The following WASHC3 variants were observed in gnomAD, a reference collection of about 807,000 sequenced individuals.
WASHC3 encodes WASH complex subunit CCDC53.
In WASHC3, 24 loss-of-function variants were observed where a neutral mutation model predicts 26.1. That is an observed-to-expected ratio of 0.92 (90% CI 0.66 to 1.29). The LOEUF is 1.29. WASHC3 is among the 50% of genes most tolerant of loss of function. WASHC3 has a pLI of 0.00. For synonymous variants in WASHC3, 77 were observed against 75.7 expected, an observed-to-expected ratio of 1.02 and a Z score of -0.09; for missense variants, 214 against 229.6, an observed-to-expected ratio of 0.93 and a Z score of 0.44.
intron 5 of WASHC3, among the ~76,000 whole-genome samples, chr12:102,038,953 A>G (rs1158162979): frequency 6.6e-6 from 1 of 151,520 alleles, no homozygotes; most frequent in Non-Finnish European, 1.5e-5. Flanking sequence ...AAGCATTATT[A>G]TTATTATTAT....
At chr12:102,055,532 G>C (rs1022305891) in intron 2 of WASHC3, among the ~76,000 whole-genome samples, 1 of 152,136 alleles carries the variant, frequency 6.6e-6, no homozygotes, top group African/African-American at 2.4e-5. Context: ...TTTTAGTAGA[G>C]ACAGCATTCC....
At chr12:102,026,298 G>T (rs183294216) in intron 5 of WASHC3, among the ~76,000 whole-genome samples, 15 of 152,170 alleles carry the variant, frequency 9.9e-5, no homozygotes, top group Non-Finnish European at 1.9e-4. Context: ...GCTGTATACA[G>T]AACAGAGATC....
At chr12:102,055,590 C>T (rs1303210908) in intron 2 of WASHC3, among the ~76,000 whole-genome samples, 1 of 152,204 alleles carries the variant, frequency 6.6e-6, no homozygotes, top group Non-Finnish European at 1.5e-5. Flanking sequence ...AGGTGATCTG[C>T]CCACCTGGGC....
At chr12:102,022,968 G>A (rs2121339574) in intron 6 of WASHC3, among the ~76,000 whole-genome samples, 1 of 151,568 alleles carries the variant, frequency 6.6e-6, no homozygotes, top group Middle Eastern at 3.4e-3. Context: ...TTTTTATCTC[G>A]GTGGTACTGA....
intron 6 of WASHC3, among the ~76,000 whole-genome samples, chr12:102,013,865 C>T (rs1490732000): frequency 6.6e-6 from 1 of 152,078 alleles, no homozygotes; most frequent in Non-Finnish European, 1.5e-5. Flanking sequence ...CATGGATGTG[C>T]TCTAATAAAC....
chr12:102,018,481 T>C (rs1876805534), intron 6 of WASHC3, among the ~76,000 whole-genome samples: 1 of 152,204 alleles, frequency 6.6e-6, no homozygotes, highest in African/African-American at 2.4e-5. Flanking sequence ...CTTTGTTTGT[T>C]TATTTATTGG....
intron 2 of WASHC3, among the ~76,000 whole-genome samples, chr12:102,050,876 T>C (rs1878369746): frequency 6.6e-6 from 1 of 152,176 alleles, no homozygotes; most frequent in African/African-American, 2.4e-5. Flanking sequence ...AGAATAAAAA[T>C]GCTCACTGGG....
chr12:102,040,170 C>T (rs1284836574), intron 4 of WASHC3, 192 bp from the exon 5 acceptor site: 1 of 333,746 alleles, frequency 3.0e-6, no homozygotes, highest in Non-Finnish European at 5.5e-6. Flanking sequence ...AATATCATTT[C>T]AGAGAAGGTT....
intron 5 of WASHC3, among the ~76,000 whole-genome samples, chr12:102,033,994 A>G (rs752157772): frequency 6.6e-6 from 1 of 152,092 alleles, no homozygotes; most frequent in Non-Finnish European, 1.5e-5. Context: ...AGTCACCCCT[A>G]AAGTTGAGAA....
intron 2 of WASHC3, chr12:102,050,604 C>T (rs1246389150): frequency 2.2e-6 from 1 of 454,248 alleles, no homozygotes; most frequent in East Asian, 7.0e-5. Context: ...GATCACGCCA[C>T]TGCACTCCAG....
intron 5 of WASHC3, 35 bp downstream of exon 5, chr12:102,039,833 C>T (rs370921170): frequency 3.2e-5 from 31 of 969,540 alleles, no homozygotes; most frequent in Non-Finnish European, 4.8e-5. Flanking sequence ...TCAAGTGAGG[C>T]TGCTACACAA....
At chr12:102,052,182 A>G (rs1479105515) in intron 2 of WASHC3, among the ~76,000 whole-genome samples, 1 of 152,218 alleles carries the variant, frequency 6.6e-6, no homozygotes, top group Non-Finnish European at 1.5e-5. Context: ...AAACACACTG[A>G]AGAGGGTAAG....
At chr12:102,049,407 A>G (rs1878300026) in intron 2 of WASHC3, among the ~76,000 whole-genome samples, 1 of 152,258 alleles carries the variant, frequency 6.6e-6, no homozygotes. Flanking sequence ...TTTCCCATCC[A>G]TTTAACCATC....
chr12:102,022,571 G>A (rs1330420824), intron 6 of WASHC3, among the ~76,000 whole-genome samples: 1 of 152,108 alleles, frequency 6.6e-6, no homozygotes, highest in Non-Finnish European at 1.5e-5. Context: ...ATACAAGTAG[G>A]TAGACCATCT....
At chr12:102,017,781 T>G (rs1876772041) in intron 6 of WASHC3, 1 of 437,750 alleles carries the variant, frequency 2.3e-6, no homozygotes, top group Non-Finnish European at 4.5e-6. Context: ...TTGTCTGTCT[T>G]CATTTTTTTC....
chr12:102,050,289 T>C (rs1878336691), intron 2 of WASHC3: 2 of 454,034 alleles, frequency 4.4e-6, no homozygotes, highest in Admixed American at 2.4e-5. Context: ...AGTGAGACCC[T>C]GTCTGACAAA....
intron 6 of WASHC3, among the ~76,000 whole-genome samples, chr12:102,024,283 G>A (rs1236549145): frequency 6.6e-6 from 1 of 152,168 alleles, no homozygotes; most frequent in East Asian, 1.9e-4. Context: ...AAGATGTGAA[G>A]CAAGAATGAA....
At chr12:102,049,225 C>G (rs1265768333) in intron 2 of WASHC3, among the ~76,000 whole-genome samples, 1 of 152,172 alleles carries the variant, frequency 6.6e-6, no homozygotes, top group Non-Finnish European at 1.5e-5. Context: ...TAGTAGCACT[C>G]CCCAGTTATT....
Position 102,058,299 on chromosome 12 carries a change from CTG to C in WASHC3, c.150+2947_150+2948del, listed in dbSNP as rs375909862. On this transcript the variant is annotated intron_variant, in intron 2 of 6. Coordinates refer to ENST00000240079, the MANE Select transcript of WASHC3 (RefSeq NM_016053.4). Reference sequence around the variant, plus strand: ...CAAGATTTAAATGTAAGACCTGAAACTGTAAAACTACTAGAAGAAAACATAAG... The same window carrying C: ...CAAGATTTAAATGTAAGACCTGAAACTAAAACTACTAGAAGAAAACATAAG... Among the ~76,000 whole-genome samples the C allele has an allele frequency of 1.9e-3, 287 of 152,204 alleles. 1 individual carries two copies. Among genetic ancestry groups the C allele is most frequent in the Middle Eastern group, 0.014 (4 of 294 alleles).
Sources: allele counts gnomAD v4.1 joint callset (sites outside exome capture counted in the v4.1 genomes callset), GRCh38; gene constraint gnomAD v4.1.1; transcripts MANE v1.5; gene names NCBI Gene and HGNC (gene_info 2026-07-23, HGNC 2026-07-21).